Variants in NRCAM observed in about 807,000 individuals in gnomAD.
NRCAM encodes the protein NgCAM-related cell adhesion molecule.
In NRCAM, 83 loss-of-function variants were observed where a neutral mutation model predicts 156.5. The observed-to-expected ratio is 0.53, with a 90% CI of 0.44 to 0.64. The LOEUF (loss-of-function observed/expected upper bound fraction) is 0.64. Ranked by LOEUF, NRCAM falls within the 30% of genes least tolerant of loss-of-function variation. The pLI is 0.00. For missense variants in NRCAM, 1,417 were observed against 1,597.3 expected (o/e 0.89, Z 1.92); for synonymous variants, 538 against 563.9 (o/e 0.95, Z 0.65).
chr7:108,429,720 T>C (rs1822407438), intron 1 of NRCAM, among the ~76,000 whole-genome samples: 1 of 152,236 alleles, frequency 6.6e-6, no homozygotes, highest in Non-Finnish European at 1.5e-5. Flanking sequence ...TGGCTACTAT[T>C]TTATGTGTTG....
intron 3 of NRCAM, among the ~76,000 whole-genome samples, chr7:108,282,387 C>T (rs3753152): frequency 0.04 from 6,135 of 152,114 alleles, 177 homozygotes; most frequent in South Asian, 0.12. Context: ...ACATGATTAC[C>T]AGAAACATAT....
chr7:108,279,008 G>A (rs1278376717), intron 3 of NRCAM, among the ~76,000 whole-genome samples: 1 of 152,146 alleles, frequency 6.6e-6, no homozygotes, highest in Non-Finnish European at 1.5e-5. Context: ...GTCTTGTCAA[G>A]GCCCATATAG....
intron 3 of NRCAM, among the ~76,000 whole-genome samples, chr7:108,266,881 G>A (rs1042182223): frequency 1.4e-5 from 2 of 147,018 alleles, no homozygotes; most frequent in Non-Finnish European, 3.0e-5. Context: ...CTGTCAGTAA[G>A]AAGAAAGAGT....
intron 3 of NRCAM, among the ~76,000 whole-genome samples, chr7:108,274,238 A>G (rs2097500585): frequency 6.6e-6 from 1 of 152,170 alleles, no homozygotes; most frequent in Non-Finnish European, 1.5e-5. Context: ...TTTTTGTTCC[A>G]TATGAAATTT....
chr7:108,442,308 A>G (rs149550982), intron 1 of NRCAM, among the ~76,000 whole-genome samples: 2 of 152,090 alleles, frequency 1.3e-5, no homozygotes, highest in Admixed American at 6.5e-5. Flanking sequence ...GTGATGGAGG[A>G]TCTCTTGGTC....
intron 2 of NRCAM, among the ~76,000 whole-genome samples, chr7:108,362,387 G>A (rs1321725631): frequency 6.6e-6 from 1 of 152,108 alleles, no homozygotes; most frequent in African/African-American, 2.4e-5. Context: ...GAATTTTGAG[G>A]AACATAAACA....
At chr7:108,388,677 G>A (rs1596062965) in intron 2 of NRCAM, among the ~76,000 whole-genome samples, 3 of 152,158 alleles carry the variant, frequency 2.0e-5, no homozygotes, top group South Asian at 4.1e-4. Flanking sequence ...TTCTTCTAGG[G>A]TTTTTATGGT....
intron 2 of NRCAM, among the ~76,000 whole-genome samples, chr7:108,321,904 T>G (rs1255114330): frequency 6.6e-6 from 1 of 152,196 alleles, no homozygotes; most frequent in Non-Finnish European, 1.5e-5. Context: ...TTCTAGCAGG[T>G]GTTAAAAATA....
At chr7:108,422,519 T>A (rs536397001) in intron 1 of NRCAM, among the ~76,000 whole-genome samples, 20 of 152,226 alleles carry the variant, frequency 1.3e-4, no homozygotes, top group African/African-American at 4.6e-4. Flanking sequence ...AGACGCAGAG[T>A]GTGTAATATA....
intron 1 of NRCAM, among the ~76,000 whole-genome samples, chr7:108,455,083 G>T (rs966443737): frequency 6.6e-6 from 1 of 152,162 alleles, no homozygotes; most frequent in Non-Finnish European, 1.5e-5. Flanking sequence ...GGCGATCCGG[G>T]GAAGGAAGCG....
In NRCAM at chr7:108,227,171, C is replaced by T. The variant is rs546788297; in HGVS notation, c.551-793G>A. On this transcript the variant is annotated intron_variant, in intron 8 of 32. Coordinates refer to ENST00000379028, the MANE Select transcript of NRCAM (RefSeq NM_001037132.4). Reference sequence around the variant, plus strand: ...TTTTGTCCACTGGAACAGTGCCTGGCCCTTCACGGGGCTCCTTTAAATGTG... The same window carrying T: ...TTTTGTCCACTGGAACAGTGCCTGGTCCTTCACGGGGCTCCTTTAAATGTG... 2.6e-5 allele frequency among the ~76,000 whole-genome samples: 4 copies of T among 152,294 alleles called. No homozygotes were observed. The East Asian group carries it at 7.7e-4, about 29-fold the overall frequency.
chr7:108,442,894 C>A (rs770447827), intron 1 of NRCAM, among the ~76,000 whole-genome samples: 1 of 152,130 alleles, frequency 6.6e-6, no homozygotes, highest in Non-Finnish European at 1.5e-5. Context: ...AAAGAAGCTG[C>A]GAGAATATGC....
At chr7:108,434,243 A>C (rs1442724867) in intron 1 of NRCAM, among the ~76,000 whole-genome samples, 2 of 152,216 alleles carry the variant, frequency 1.3e-5, no homozygotes, top group Non-Finnish European at 2.9e-5. Flanking sequence ...ACTGTGAAAA[A>C]CAGCAGCTTC....
intron 3 of NRCAM, among the ~76,000 whole-genome samples, chr7:108,305,150 T>A (rs1273854351): frequency 6.6e-6 from 1 of 152,230 alleles, no homozygotes; most frequent in Non-Finnish European, 1.5e-5. Flanking sequence ...TTTTTCCTAC[T>A]CCTCTATGGC....
At chr7:108,406,237 T>C (rs1563663944) in intron 1 of NRCAM, among the ~76,000 whole-genome samples, 1 of 151,640 alleles carries the variant, frequency 6.6e-6, no homozygotes, top group East Asian at 1.9e-4. Flanking sequence ...AGGGGAGAAA[T>C]AGAATGATAA....
At chr7:108,328,799 G>T (rs1212128753) in intron 2 of NRCAM, 1 of 152,182 alleles carries the variant, frequency 6.6e-6, no homozygotes, top group Non-Finnish European at 1.5e-5. Flanking sequence ...CCTATGAGGG[G>T]GAGATTGTAA....
chr7:108,219,444 A>G (rs995335608), intron 11 of NRCAM, among the ~76,000 whole-genome samples: 1 of 152,208 alleles, frequency 6.6e-6, no homozygotes, highest in African/African-American at 2.4e-5. Context: ...AGATGCTAAA[A>G]TCCTTAACAA....
chr7:108,354,649 C>G (rs1372986287), intron 2 of NRCAM, among the ~76,000 whole-genome samples: 7 of 151,896 alleles, frequency 4.6e-5, no homozygotes, highest in Non-Finnish European at 7.4e-5. Context: ...AATCCCAGCA[C>G]TTTGGGAGGC....
At chr7:108,189,055 T>C (rs1263184729) in intron 20 of NRCAM, among the ~76,000 whole-genome samples, 3 of 73,774 alleles carry the variant, frequency 4.1e-5, no homozygotes, top group Non-Finnish European at 3.6e-5. Flanking sequence ...CCTTATGACA[T>C]TGTCCTTCCT....
Sources: allele counts gnomAD v4.1 joint callset (sites outside exome capture counted in the v4.1 genomes callset), GRCh38; gene constraint gnomAD v4.1.1; transcripts MANE v1.5; gene names NCBI Gene and HGNC (gene_info 2026-07-23, HGNC 2026-07-21).